TAB2: variants seen among roughly 807,000 people sequenced by gnomAD.
TAB2 encodes TGF-beta activated kinase 1 (MAP3K7) binding protein 2, also known as TGF-beta-activated kinase 1 and MAP3K7-binding protein 2.
TAB2 carries 3 observed loss-of-function variants against 65.0 expected under a neutral mutation model. The ratio of observed to expected loss-of-function variants is 0.05; its 90% CI spans 0.02 to 0.12. The LOEUF is 0.12. Ranked by LOEUF, TAB2 falls within the 10% of genes least tolerant of loss-of-function variation. The pLI is 1.00. For missense variants in TAB2, 623 were observed against 840.3 expected, an observed-to-expected ratio of 0.74 and a Z score of 3.20; for synonymous variants, 298 against 285.1, an observed-to-expected ratio of 1.05 and a Z score of -0.46.
chr6:149,262,349 A>G (rs1778171202), intron 1 of TAB2, among the ~76,000 whole-genome samples: 1 of 152,294 alleles, frequency 6.6e-6, no homozygotes, highest in African/African-American at 2.4e-5. Flanking sequence ...CCTGGCCAAC[A>G]TGGTGAAACC....
intron 1 of TAB2, among the ~76,000 whole-genome samples, chr6:149,271,424 C>A (rs1778362741): frequency 6.6e-6 from 1 of 152,128 alleles, no homozygotes; most frequent in Non-Finnish European, 1.5e-5. Flanking sequence ...TTCTTTCTAG[C>A]CTGTGGCTCT....
intron 2 of TAB2, among the ~76,000 whole-genome samples, 174 bp downstream of exon 2, chr6:149,370,273 C>T (rs950982855): frequency 3.9e-5 from 6 of 152,100 alleles, no homozygotes; most frequent in African/African-American, 4.8e-5. Flanking sequence ...GCTTTCTGTA[C>T]CCATCTGTAG....
At chr6:149,250,767 A>C (rs527593360) in intron 1 of TAB2, among the ~76,000 whole-genome samples, 1 of 152,322 alleles carries the variant, frequency 6.6e-6, no homozygotes, top group South Asian at 2.1e-4. Context: ...TGATGAGGCT[A>C]TCCTTTCCTT....
At chr6:149,392,970 T>G (rs544213425) in intron 3 of TAB2, among the ~76,000 whole-genome samples, 5 of 151,984 alleles carry the variant, frequency 3.3e-5, no homozygotes, top group Non-Finnish European at 7.3e-5. Flanking sequence ...GTTTCGACTT[T>G]AGCTGAATTT....
intron 1 of TAB2, among the ~76,000 whole-genome samples, chr6:149,284,645 T>TACAC (rs59723819): frequency 0.028 from 3,972 of 141,528 alleles, 77 homozygotes; most frequent in Non-Finnish European, 0.041. Context: ...ATGATCTCTT[T>TACAC]ACACACACAC....
intron 1 of TAB2, among the ~76,000 whole-genome samples, chr6:149,330,909 T>A (rs1362467319): frequency 6.6e-6 from 1 of 152,196 alleles, no homozygotes; most frequent in Non-Finnish European, 1.5e-5. Flanking sequence ...CTTTTGTACC[T>A]TTGTCAAAAA....
chr6:149,280,505 A>G (rs1381271428), intron 1 of TAB2, among the ~76,000 whole-genome samples: 1 of 152,208 alleles, frequency 6.6e-6, no homozygotes, highest in African/African-American at 2.4e-5. Context: ...GCTGAGCTAG[A>G]GGATACATTA....
At chr6:149,235,250 C>A (rs1373470594) in intron 1 of TAB2, among the ~76,000 whole-genome samples, 1 of 152,188 alleles carries the variant, frequency 6.6e-6, no homozygotes, top group Non-Finnish European at 1.5e-5. Context: ...TCCCGGATGA[C>A]ACACTGTAAG....
intron 6 of TAB2, among the ~76,000 whole-genome samples, chr6:149,399,993 T>C (rs1782316549): frequency 6.6e-6 from 1 of 152,184 alleles, no homozygotes; most frequent in Non-Finnish European, 1.5e-5. Flanking sequence ...TAACCAAATA[T>C]AATCAAAGTA....
chr6:149,346,165 A>T (rs1283001629), intron 1 of TAB2, among the ~76,000 whole-genome samples: 1 of 151,968 alleles, frequency 6.6e-6, no homozygotes, highest in African/African-American at 2.4e-5. Context: ...GAAAGCTAGA[A>T]CTCTGATACT....
At chr6:149,287,494 A>T (rs34911618) in intron 1 of TAB2, among the ~76,000 whole-genome samples, 46,972 of 136,498 alleles carry the variant, frequency 0.34, 7,707 homozygotes, top group African/African-American at 0.45. Flanking sequence ...TTTTTTTTTT[A>T]AAAAGAAAGT....
At chr6:149,247,030 T>C in intron 1 of TAB2, 1 of 153,078 alleles carries the variant, frequency 6.5e-6, no homozygotes, top group Non-Finnish European at 1.5e-5. Flanking sequence ...TGCTCTGCCC[T>C]CACCACCCAG....
At chr6:149,376,347 C>G (rs1271840123) in intron 2 of TAB2, among the ~76,000 whole-genome samples, 3 of 152,186 alleles carry the variant, frequency 2.0e-5, no homozygotes, top group African/African-American at 7.2e-5. Flanking sequence ...CAGTCAAACT[C>G]TAGCGTGACT....
intron 1 of TAB2, among the ~76,000 whole-genome samples, chr6:149,268,619 T>C (rs1235785288): frequency 6.6e-6 from 1 of 152,200 alleles, no homozygotes; most frequent in Non-Finnish European, 1.5e-5. Context: ...CTTAAAATAA[T>C]AACACGAGGT....
In TAB2 at chr6:149,409,788, A is replaced by G. The variant is rs1355985496; in HGVS notation, c.*69A>G. 2 of 1,565,682 alleles carry G rather than the reference A, an allele frequency of 1.3e-6. No individual in the cohort carries two copies. Among genetic ancestry groups the G allele is most frequent in the African/African-American group, 1.4e-5 (1 of 73,954 alleles). On this transcript the variant is annotated 3_prime_UTR_variant, in exon 7 of 7. Coordinates refer to ENST00000637181, the MANE Select transcript of TAB2 (RefSeq NM_001292034.3). ...AAGAAACTAGTCTGTCATCGGGAAAAAGTTTCACTGCTACATAGGATTTTG... is the reference window on the plus strand; with the variant it reads ...AAGAAACTAGTCTGTCATCGGGAAAGAGTTTCACTGCTACATAGGATTTTG...
intron 1 of TAB2, among the ~76,000 whole-genome samples, chr6:149,351,326 A>G (rs1314359727): frequency 6.6e-6 from 1 of 152,212 alleles, no homozygotes; most frequent in Non-Finnish European, 1.5e-5. Flanking sequence ...CAACCAGGGT[A>G]ATATGCAGCC....
At chr6:149,347,301 G>C (rs1780337034) in intron 1 of TAB2, 1 of 152,152 alleles carries the variant, frequency 6.6e-6, no homozygotes, top group Admixed American at 6.5e-5. Context: ...TCATGGCCTT[G>C]AGGCAGTGCA....
chr6:149,275,252 G>GAA (rs1157048133), intron 1 of TAB2, among the ~76,000 whole-genome samples: 1 of 135,252 alleles, frequency 7.4e-6, no homozygotes, highest in Non-Finnish European at 1.6e-5. Flanking sequence ...AAGAAAGAAA[G>GAA]AAAGAAAGAA....
chr6:149,279,432 C>T (rs1195654760), intron 1 of TAB2, among the ~76,000 whole-genome samples: 1 of 152,164 alleles, frequency 6.6e-6, no homozygotes, highest in Non-Finnish European at 1.5e-5. Flanking sequence ...TCTCCCGTGA[C>T]TTTAAATGCT....
Sources: allele counts gnomAD v4.1 joint callset (sites outside exome capture counted in the v4.1 genomes callset), GRCh38; gene constraint gnomAD v4.1.1; transcripts MANE v1.5; gene names NCBI Gene and HGNC (gene_info 2026-07-23, HGNC 2026-07-21).